Variants in ASXL2 observed in about 807,000 individuals in gnomAD.
ASXL2 encodes the protein putative Polycomb group protein ASXL2.
Under a neutral mutation model 122.0 loss-of-function variants are expected in ASXL2, and 23 were observed. The ratio of observed to expected loss-of-function variants is 0.19; its 90% CI spans 0.14 to 0.27. The LOEUF (loss-of-function observed/expected upper bound fraction) is 0.27. Among genes scored for constraint, ASXL2 ranks in the 10% least tolerant of loss-of-function variants. The pLI is 1.00. For missense variants in ASXL2, 1,518 were observed against 1,713.8 expected, an observed-to-expected ratio of 0.89 and a Z score of 2.02; for synonymous variants, 650 against 637.0, an observed-to-expected ratio of 1.02 and a Z score of -0.31.
chr2:25,863,463 C>G (rs894085335), intron 1 of ASXL2, among the ~76,000 whole-genome samples: 1 of 151,752 alleles, frequency 6.6e-6, no homozygotes, highest in Non-Finnish European at 1.5e-5. Context: ...GAGGCCGAGG[C>G]GGGTAGATCA....
At chr2:25,786,210 GTATC>G (rs1192511626) in intron 5 of ASXL2, among the ~76,000 whole-genome samples, 1 of 145,520 alleles carries the variant, frequency 6.9e-6, no homozygotes, top group Non-Finnish European at 1.5e-5. Context: ...CTACTAAAAA[GTATC>G]TACAAACAAC....
rs1394194776 is a variant in ASXL2, at chr2:25,740,044, T to G, written c.*1985A>C. On this transcript the variant is annotated 3_prime_UTR_variant, in exon 13 of 13. Transcript: ENST00000435504. ...ACTGGTTCTTGGCTTGAAAATATAC[T>G]CCTTATCCCCAATCCTTGCAGCCTT... 1 of 226,292 alleles carries G rather than the reference T, an allele frequency of 4.4e-6. No homozygotes were observed. Among genetic ancestry groups the G allele is most frequent in the Non-Finnish European group, 8.8e-6 (1 of 113,752 alleles). 14.0% of individuals were successfully genotyped at this position (226,292 alleles called of 1,614,324 possible).
Position 25,744,288 on chromosome 2 carries a change from G to C in ASXL2, c.2049C>G (p.Ala683=). 6.2e-7 allele frequency: 1 copy of C among 1,611,816 alleles called. No individual in the cohort carries two copies. Among genetic ancestry groups the C allele is most frequent in the South Asian group, 1.1e-5 (1 of 90,940 alleles). The change falls in exon 13 of 13, where the codon GCC becomes GCG. Residue 683 remains alanine (A), a synonymous_variant. Transcript: ENST00000435504. The surrounding 1 kb of genome is among the most constrained non-coding windows in gnomAD (Gnocchi z 4.7). ...CTGGAATGGTCCCTCCAACTGAGGC[G>C]GCTGCAGCAGCTGCGGCGGCAGCGG... ...AAAAAAAAAA[A]ASVGGTIPGP...
At chr2:25,832,710 G>C (rs1390418609) in intron 3 of ASXL2, among the ~76,000 whole-genome samples, 1 of 152,176 alleles carries the variant, frequency 6.6e-6, no homozygotes, top group Non-Finnish European at 1.5e-5. Flanking sequence ...AATGGAAAAT[G>C]TATGCCCATA....
chr2:25,784,441 G>A (rs761715336), intron 5 of ASXL2, among the ~76,000 whole-genome samples: 1 of 152,168 alleles, frequency 6.6e-6, no homozygotes, highest in Non-Finnish European at 1.5e-5. Context: ...TGAATACATT[G>A]TATAATGAAG....
intron 5 of ASXL2, among the ~76,000 whole-genome samples, chr2:25,779,273 T>C (rs577602154): frequency 1.3e-5 from 2 of 152,028 alleles, no homozygotes; most frequent in East Asian, 3.9e-4. Context: ...ATTTTTTGTA[T>C]TTTTAGTAGA....
At chr2:25,772,464 G>A (rs532506490) in intron 5 of ASXL2, among the ~76,000 whole-genome samples, 1 of 152,282 alleles carries the variant, frequency 6.6e-6, no homozygotes, top group Non-Finnish European at 1.5e-5. Context: ...CGTGTGCGGT[G>A]GCTCATGCCT....
intron 5 of ASXL2, among the ~76,000 whole-genome samples, chr2:25,797,382 T>C (rs1030160891): frequency 2.6e-5 from 4 of 151,886 alleles, no homozygotes; most frequent in African/African-American, 9.7e-5. Context: ...AAGGCGGAGG[T>C]TGCAGTGAGC....
intron 1 of ASXL2, among the ~76,000 whole-genome samples, chr2:25,864,473 CTT>C (rs1172474946): frequency 3.9e-5 from 6 of 152,080 alleles, no homozygotes; most frequent in Admixed American, 2.6e-4. Flanking sequence ...TCCATTAAGA[CTT>C]TTAGTGGCAG....
At chr2:25,780,809 C>T (rs146181717) in intron 5 of ASXL2, among the ~76,000 whole-genome samples, 1,521 of 152,072 alleles carry the variant, frequency 0.01, 10 homozygotes, top group Non-Finnish European at 0.018. Flanking sequence ...CATGTTTGGC[C>T]GGGCGTGGTG....
chr2:25,744,633 A>G lies in ASXL2; in HGVS notation c.1861-157T>C, dbSNP rs2087909546. Among the ~76,000 whole-genome samples the G allele has an allele frequency of 6.6e-6, 1 of 152,242 alleles. No individual in the cohort carries two copies. Among genetic ancestry groups the G allele is most frequent in the Non-Finnish European group, 1.5e-5 (1 of 68,042 alleles). On this transcript the variant is annotated intron_variant, in intron 12 of 12. Transcript: ENST00000435504. The surrounding 1 kb of genome is among the most constrained non-coding windows in gnomAD (Gnocchi z 4.7). ...GGCCGAGAGGCCAAACCTTGGAGAC[A>G]GCAATACTAGTTTGTCTCTAGGGTC...
intron 8 of ASXL2, among the ~76,000 whole-genome samples, chr2:25,760,214 C>G (rs2088217761): frequency 6.7e-6 from 1 of 148,944 alleles, no homozygotes; most frequent in Non-Finnish European, 1.5e-5. Flanking sequence ...TATAAAAGAC[C>G]AACCTGGAAA....
At chr2:25,861,228 C>A (rs970347131) in intron 1 of ASXL2, among the ~76,000 whole-genome samples, 1 of 152,032 alleles carries the variant, frequency 6.6e-6, no homozygotes, top group African/African-American at 2.4e-5. Flanking sequence ...TCTAGCCAGG[C>A]TAAGTAAAAA....
At chr2:25,785,726 T>C (rs1052802229) in intron 5 of ASXL2, among the ~76,000 whole-genome samples, 3 of 152,024 alleles carry the variant, frequency 2.0e-5, no homozygotes, top group Non-Finnish European at 4.4e-5. Context: ...TTTGTAATTT[T>C]AGTAGAGATG....
Position 25,740,880 on chromosome 2 carries a change from G to C in ASXL2, c.*1149C>G, listed in dbSNP as rs1208059958. ...AGATATAATAAGATGATGTCATCCT[G>C]TTCAGATGCCTGGGAGGTCAAAACA... On this transcript the variant is annotated 3_prime_UTR_variant, in exon 13 of 13. Coordinates refer to ENST00000435504, the MANE Select transcript of ASXL2 (RefSeq NM_018263.6). 2 of 190,520 alleles carry C rather than the reference G, an allele frequency of 1.0e-5. No individual in the cohort carries two copies. Among genetic ancestry groups the C allele is most frequent in the Non-Finnish European group, 2.2e-5 (2 of 90,948 alleles). 11.8% of individuals were successfully genotyped at this position (190,520 alleles called of 1,614,324 possible). A position where few individuals can be genotyped will look rare whatever the true frequency, so the allele number is the denominator to read the frequency against.
intron 1 of ASXL2, among the ~76,000 whole-genome samples, chr2:25,845,800 A>G (rs2089642147): frequency 6.6e-6 from 1 of 152,182 alleles, no homozygotes; most frequent in South Asian, 2.1e-4. Context: ...AGCCTACTAA[A>G]TCATAGGTGC....
At chr2:25,862,938 T>C (rs896095888) in intron 1 of ASXL2, among the ~76,000 whole-genome samples, 1 of 152,036 alleles carries the variant, frequency 6.6e-6, no homozygotes, top group Non-Finnish European at 1.5e-5. Flanking sequence ...CATTAATTCT[T>C]GCCCTCAAAA....
At chr2:25,819,735 C>T (rs1264630101) in intron 3 of ASXL2, among the ~76,000 whole-genome samples, 2 of 152,120 alleles carry the variant, frequency 1.3e-5, no homozygotes, top group African/African-American at 2.4e-5. Context: ...AATGCAAATA[C>T]AACATGTGAT....
chr2:25,875,909 T>C (rs2090006262), intron 1 of ASXL2, among the ~76,000 whole-genome samples: 1 of 152,238 alleles, frequency 6.6e-6, no homozygotes, highest in African/African-American at 2.4e-5. Flanking sequence ...TCTGATTTCA[T>C]TATTCTACAG....
Sources: gnomAD v4.1 joint callset for allele counts (sites outside exome capture counted in the v4.1 genomes callset) on GRCh38, gnomAD v4.1.1 for gene constraint, Gnocchi (gnomAD v3.1) non-coding constraint, MANE v1.5 for transcripts, NCBI Gene and HGNC (gene_info 2026-07-23, HGNC 2026-07-21) for gene names.